Variants in NIM1K observed in about 807,000 individuals in gnomAD.
NIM1K encodes the protein NIM1 serine/threonine protein kinase, also known as serine/threonine-protein kinase NIM1.
A neutral mutation model predicts 37.1 loss-of-function variants in NIM1K; 35 were observed. The ratio of observed to expected loss-of-function variants is 0.94; its 90% CI spans 0.72 to 1.25. The LOEUF (loss-of-function observed/expected upper bound fraction) is 1.25, where lower values mean the gene tolerates loss of function less well. NIM1K is among the 50% of genes most tolerant of loss of function. The pLI, the probability that NIM1K is intolerant of heterozygous loss-of-function variation, is 0.00. For synonymous variants in NIM1K, 234 were observed against 206.6 expected (o/e 1.13, Z -1.14); for missense variants, 564 against 548.0 (o/e 1.03, Z -0.29).
At chr5:43,248,171 G>T (rs1752812597) in intron 2 of NIM1K, among the ~76,000 whole-genome samples, 1 of 152,164 alleles carries the variant, frequency 6.6e-6, no homozygotes, top group Non-Finnish European at 1.5e-5. Context: ...ACAGAGGAGG[G>T]TTAGGGGGTT....
chr5:43,230,886 G>A lies in NIM1K; in HGVS notation c.-694-14196G>A, dbSNP rs1340945520. Reference sequence around the variant, plus strand: ...TTGTGCATGTACAAGTACGCACTACGTGCATATGCACATGGTCTGTCCTGA... The same window carrying A: ...TTGTGCATGTACAAGTACGCACTACATGCATATGCACATGGTCTGTCCTGA... On this transcript the variant is annotated intron_variant, in intron 1 of 3. Transcript: ENST00000326035. 3.9e-5 allele frequency among the ~76,000 whole-genome samples: 6 copies of A among 152,312 alleles called. No homozygotes were observed. In the East Asian group the frequency reaches 7.7e-4, roughly 20 times the overall value.
At chr5:43,221,823 C>T (rs1185478902) in intron 1 of NIM1K, among the ~76,000 whole-genome samples, 1 of 152,188 alleles carries the variant, frequency 6.6e-6, no homozygotes, top group Non-Finnish European at 1.5e-5. Flanking sequence ...TACAGAGAAA[C>T]CATTAGGCTG....
At chr5:43,215,119 T>G (rs1752281300) in intron 1 of NIM1K, among the ~76,000 whole-genome samples, 1 of 152,230 alleles carries the variant, frequency 6.6e-6, no homozygotes, top group Non-Finnish European at 1.5e-5. Flanking sequence ...CCTCATTATC[T>G]GCTTTCACTT....
chr5:43,268,902 A>G (rs1352456762), intron 2 of NIM1K, among the ~76,000 whole-genome samples: 2 of 152,208 alleles, frequency 1.3e-5, no homozygotes, highest in Non-Finnish European at 2.9e-5. Flanking sequence ...CCCCACTGCC[A>G]TAATTGTCTC....
chr5:43,207,732 T>C, intron 1 of NIM1K: 1 of 482,020 alleles, frequency 2.1e-6, no homozygotes, highest in Non-Finnish European at 4.0e-6. Flanking sequence ...TCTGCGGAAT[T>C]CTCAAAGGAG....
intron 2 of NIM1K, among the ~76,000 whole-genome samples, chr5:43,274,442 G>T (rs999562621): frequency 1.3e-5 from 2 of 152,138 alleles, no homozygotes; most frequent in African/African-American, 2.4e-5. Context: ...ACAGGAAATC[G>T]AAGGGTGGAA....
intron 1 of NIM1K, chr5:43,232,399 C>A: frequency 7.0e-7 from 1 of 1,431,406 alleles, no homozygotes; most frequent in Non-Finnish European, 9.8e-7. Context: ...AGGCCACCAG[C>A]TTGGTCTGGA....
chr5:43,248,254 G>A (rs1752813658), intron 2 of NIM1K, among the ~76,000 whole-genome samples: 1 of 152,216 alleles, frequency 6.6e-6, no homozygotes, highest in Admixed American at 6.5e-5. Context: ...TAACAGTAGG[G>A]GAAGTAGGGT....
rs752186291 is a variant in NIM1K, at chr5:43,245,784, A to C, written c.9A>C (p.Ala3=). Residue 3 remains alanine, a synonymous_variant, in exon 2 of 4, where the codon GCA becomes GCC. Coordinates refer to ENST00000326035, the MANE Select transcript of NIM1K (RefSeq NM_153361.4). ...GTGAGCCCCCGTGGACGATGACTGC[A>C]GTGTATATGAATGGAGGTGGCCTGG... is the stretch of plus-strand genomic sequence containing the variant. MT[A]VYMNGGGLVN... The C allele has an allele frequency of 3.4e-5, 54 of 1,597,220 alleles. No homozygotes were observed. The highest frequency in any genetic ancestry group is 4.3e-5 in the Non-Finnish European group (50 of 1,169,498).
At chr5:43,229,467 A>G (rs191417889) in intron 1 of NIM1K, among the ~76,000 whole-genome samples, 5 of 152,032 alleles carry the variant, frequency 3.3e-5, no homozygotes, top group African/African-American at 1.2e-4. Context: ...GTATCAGAAA[A>G]CTAAAATCAG....
chr5:43,240,146 T>C (rs1283796800), intron 1 of NIM1K: 1 of 151,962 alleles, frequency 6.6e-6, no homozygotes, highest in African/African-American at 2.4e-5. Context: ...TGATCTTGGC[T>C]CATTGCAGCC....
At chr5:43,235,938 T>C (rs1461799339) in intron 1 of NIM1K, among the ~76,000 whole-genome samples, 1 of 152,040 alleles carries the variant, frequency 6.6e-6, no homozygotes, top group African/African-American at 2.4e-5. Flanking sequence ...ACACTTCAGT[T>C]TCACTTCGCC....
chr5:43,254,693 A>G (rs1752915093), intron 2 of NIM1K, among the ~76,000 whole-genome samples: 1 of 152,202 alleles, frequency 6.6e-6, no homozygotes, highest in Non-Finnish European at 1.5e-5. Flanking sequence ...GCACGAACTC[A>G]GTCTGTAGCA....
rs148279583 is a variant in NIM1K, at chr5:43,273,234, C to T, written c.293-3823C>T. ...TTTTCTTTTTTTTGAGGTGGAGTCT[C>T]ACTCTGTCACCTAGGCTGGAGTGCA... On this transcript the variant is annotated intron_variant, in intron 2 of 3. Coordinates refer to ENST00000326035, the MANE Select transcript of NIM1K (RefSeq NM_153361.4). Among the ~76,000 whole-genome samples, 486 of 150,904 alleles carry T rather than the reference C, an allele frequency of 3.2e-3. 2 individuals are homozygous for T. The highest frequency in any genetic ancestry group is 4.8e-3 in the Non-Finnish European group (323 of 67,792).
chr5:43,205,611 A>T (rs906107429), intron 1 of NIM1K, among the ~76,000 whole-genome samples: 1 of 152,204 alleles, frequency 6.6e-6, no homozygotes, highest in African/African-American at 2.4e-5. Context: ...ATTAAAAAAA[A>T]TGGCTACTCT....
chr5:43,233,247 A>ATATCAATCACCTAAGAGTC, intron 1 of NIM1K: 2 of 674,786 alleles, frequency 3.0e-6, no homozygotes, highest in Non-Finnish European at 4.9e-6. Flanking sequence ...TGCGACTCTT[A>ATATCAATCACCTAAGAGTC]GGTGATTGAT....
chr5:43,233,824 G>A (rs1383826719), intron 1 of NIM1K, among the ~76,000 whole-genome samples: 1 of 152,242 alleles, frequency 6.6e-6, no homozygotes, highest in East Asian at 1.9e-4. Flanking sequence ...TTTCTGAGCA[G>A]ATGAAGAATA....
intron 1 of NIM1K, among the ~76,000 whole-genome samples, chr5:43,224,581 A>G (rs1561078640): frequency 6.6e-6 from 1 of 152,140 alleles, no homozygotes; most frequent in Admixed American, 6.5e-5. Flanking sequence ...GAAGAAGCTG[A>G]GACAAAATTA....
chr5:43,227,809 GT>G (rs1430712597), intron 1 of NIM1K, among the ~76,000 whole-genome samples: 1 of 152,058 alleles, frequency 6.6e-6, no homozygotes, highest in Non-Finnish European at 1.5e-5. Flanking sequence ...GGACTTAAGG[GT>G]TTTTTTCACA....
Sources: allele counts gnomAD v4.1 joint callset (sites outside exome capture counted in the v4.1 genomes callset), GRCh38; gene constraint gnomAD v4.1.1; transcripts MANE v1.5; gene names NCBI Gene and HGNC (gene_info 2026-07-23, HGNC 2026-07-21).